Variants in SFI1 observed in about 807,000 individuals in gnomAD.
SFI1 encodes protein SFI1 homolog.
In SFI1, 195 loss-of-function variants were observed where a neutral mutation model predicts 207.5. The ratio of observed to expected loss-of-function variants is 0.94; its 90% CI spans 0.84 to 1.06. SFI1 has a LOEUF of 1.06. SFI1 is among the 50% of genes least tolerant of loss of function. SFI1 has a pLI of 0.00. For missense variants in SFI1, 1,634 were observed against 1,588.0 expected, an observed-to-expected ratio of 1.03 and a Z score of -0.49; for synonymous variants, 630 against 598.9, an observed-to-expected ratio of 1.05 and a Z score of -0.76.
intron 20 of SFI1, 157 bp downstream of exon 20, chr22:31,605,102 G>T (rs566947635): frequency 1.1e-4 from 71 of 622,504 alleles, no homozygotes; most frequent in African/African-American, 9.9e-4. Context: ...TTCACTCACG[G>T]GTTCGCCTTC....
At chr22:31,505,522 G>A (rs916135176) in intron 1 of SFI1, among the ~76,000 whole-genome samples, 1 of 151,396 alleles carries the variant, frequency 6.6e-6, no homozygotes, top group Non-Finnish European at 1.5e-5. Flanking sequence ...TTGGGAGGCC[G>A]AGACAGGAGA....
At chr22:31,543,072 G>A (rs766568488) in intron 4 of SFI1, among the ~76,000 whole-genome samples, 6 of 150,212 alleles carry the variant, frequency 4.0e-5, no homozygotes, top group Admixed American at 1.3e-4. Flanking sequence ...CCAGGTTCAC[G>A]CCATTCTCCT....
chr22:31,523,688 A>G (rs919086688), intron 2 of SFI1, among the ~76,000 whole-genome samples: 12 of 151,426 alleles, frequency 7.9e-5, no homozygotes, highest in African/African-American at 2.7e-4. Context: ...TGTGAAGTCC[A>G]TTATCTCCTT....
chr22:31,540,831 G>C (rs995241973), intron 4 of SFI1, among the ~76,000 whole-genome samples: 14 of 152,042 alleles, frequency 9.2e-5, no homozygotes, highest in Non-Finnish European at 1.9e-4. Flanking sequence ...CACCCACCTT[G>C]GCCTCCCAAA....
At chr22:31,518,077 CCCAGGTTCA>C (rs1249997128) in intron 2 of SFI1, among the ~76,000 whole-genome samples, 1 of 152,174 alleles carries the variant, frequency 6.6e-6, no homozygotes, top group African/African-American at 2.4e-5. Context: ...ATGCCTGCCT[CCCAGGTTCA>C]AGCCATTCTC....
At chr22:31,580,542 C>CTTTTTTTTTTTTTTTTTTT (rs11347645) in intron 12 of SFI1, among the ~76,000 whole-genome samples, 178 bp downstream of exon 12, 12 of 117,272 alleles carry the variant, frequency 1.0e-4, no homozygotes, top group East Asian at 2.6e-4. Context: ...CTTTTCTTTT[C>CTTTTTTTTTTTTTTTTTTT]TTTTTTTTTT....
rs2063364980 is a variant in SFI1 at position 31,575,274 on chromosome 22, C to T, written c.966C>T (p.Tyr322=). 6.2e-7 allele frequency: 1 copy of T among 1,612,894 alleles called. No individual in the cohort carries two copies. ...ATCATGTCACTGTGCTCCAGATATA[C>T]TTCTGTGACTGGCAGCAGGCCTGGG... ...RFHHVTVLQI[Y]FCDWQQAWER... is the part of the protein sequence containing the mutation. The change falls in exon 10 of 33, where the codon TAC becomes TAT. Residue 322 remains tyrosine, a synonymous_variant. Transcript: ENST00000400288.
At chr22:31,601,823 C>T (rs548192653) in intron 15 of SFI1, among the ~76,000 whole-genome samples, 10 of 151,962 alleles carry the variant, frequency 6.6e-5, no homozygotes, top group African/African-American at 2.4e-4. Context: ...GACGGGGTCT[C>T]ACTCTGTTGC....
At chr22:31,511,626 G>A in intron 2 of SFI1, among the ~76,000 whole-genome samples, 1 of 151,842 alleles carries the variant, frequency 6.6e-6, no homozygotes. Flanking sequence ...GGCTGGGGAG[G>A]CTAAGAAGGG....
chr22:31,520,950 T>C (rs865839495), intron 2 of SFI1, among the ~76,000 whole-genome samples: 45 of 149,862 alleles, frequency 3.0e-4, no homozygotes, highest in African/African-American at 1.0e-3. Context: ...GCTGTGTAAT[T>C]TGTGATTGTT....
intron 4 of SFI1, among the ~76,000 whole-genome samples, chr22:31,535,948 C>T (rs916858018): frequency 6.6e-6 from 1 of 152,114 alleles, no homozygotes; most frequent in Non-Finnish European, 1.5e-5. Flanking sequence ...TTAAGTTTTA[C>T]TAATTTCATA....
rs1212407263 is a variant in SFI1, at chr22:31,508,331, A to C, written c.47A>C (p.His16Pro). The change falls in exon 2 of 33, where the codon CAT becomes CCT. Residue 16 changes from histidine (H) to proline (P), a missense_variant. His to Pro is a moderately conservative substitution (Grantham distance 77). Coordinates refer to ENST00000400288, the MANE Select transcript of SFI1 (RefSeq NM_001007467.3). ...AAGTGTATATCAAGCCACAATTTCC[A>C]TCAAAAAGTGATTAAGCAGAGAATG... ...TEKCISSHNF[H>P]QKVIKQRMEK... is the part of the protein sequence containing the mutation. The C allele has an allele frequency of 1.9e-6, 3 of 1,613,656 alleles. No individual in the cohort carries two copies. The highest frequency in any genetic ancestry group is 2.5e-6 in the Non-Finnish European group (3 of 1,179,788).
In SFI1 at chr22:31,503,749, AT is replaced by A. The variant is rs759980698; in HGVS notation, c.-30-4488del. Among the ~76,000 whole-genome samples the A allele has an allele frequency of 6.3e-3, 863 of 137,136 alleles. 1 individual carries two copies. Among genetic ancestry groups the A allele is most frequent in the African/African-American group, 0.013 (469 of 37,282 alleles). The allele number at this position is 137,136 out of a possible 152,430, so 90.0% of individuals were successfully genotyped here. On this transcript the variant is annotated intron_variant, in intron 1 of 32. Transcript: ENST00000400288. The stretch of plus-strand genomic sequence containing the variant: ...ATTACAGGCATTCGCCACCATGCCA[AT>A]TTTTTTTTTTTTTTTTTAAGTAGAG...
intron 19 of SFI1, 152 bp downstream of exon 19, chr22:31,604,556 G>A: frequency 6.0e-6 from 4 of 671,224 alleles, no homozygotes. Context: ...GCGGGCCTTA[G>A]GCCATAGGGT....
Position 31,530,657 on chromosome 22 carries a change from C to T in SFI1, c.267-401C>T, listed in dbSNP as rs1041100129. 1.7e-5 allele frequency: 8 copies of T among 471,788 alleles called. No individual in the cohort carries two copies. The Admixed American group carries it at 1.9e-4, about 11-fold the overall frequency. The allele number at this position is 471,788 out of a possible 1,614,324, so 29.2% of individuals were successfully genotyped here. A position where few individuals can be genotyped will look rare whatever the true frequency, so the allele number is the denominator to read the frequency against. On this transcript the variant is annotated intron_variant, in intron 3 of 32. Coordinates refer to ENST00000400288, the MANE Select transcript of SFI1 (RefSeq NM_001007467.3). ...TGATCTCTGTGATATGGTGTCATAA[C>T]ATTACAGGAGGGGTTTGAACAGAGT...
intron 4 of SFI1, among the ~76,000 whole-genome samples, chr22:31,536,059 TTCTTTTTCCTTGTC>T (rs1249145353): frequency 6.6e-6 from 1 of 152,170 alleles, no homozygotes; most frequent in Non-Finnish European, 1.5e-5. Context: ...GGTCTGGATT[TTCTTTTTCCTTGTC>T]TCTTTTGACC....
At chr22:31,591,590 CA>C (rs1341534545) in intron 15 of SFI1, among the ~76,000 whole-genome samples, 128 of 129,100 alleles carry the variant, frequency 9.9e-4, no homozygotes, top group Middle Eastern at 7.6e-3. Context: ...GCTGGCCGGG[CA>C]GGGGGGCTGA....
At chr22:31,594,131 C>G (rs942689298) in intron 15 of SFI1, among the ~76,000 whole-genome samples, 4 of 152,186 alleles carry the variant, frequency 2.6e-5, no homozygotes, top group African/African-American at 7.2e-5. Context: ...CTTTCTGGAT[C>G]AGAGCACGGT....
Position 31,585,143 on chromosome 22 carries a change from T to G in SFI1, c.1413+9T>G, listed in dbSNP as rs953066794. The stretch of plus-strand genomic sequence containing the variant: ...AGAGGCGGTACAAGCAGGTATGGAG[T>G]ACTTTTTAGCAGATAGCTCTACTGG... On this transcript the variant is annotated intron_variant, in intron 14 of 32. Coordinates refer to ENST00000400288, the MANE Select transcript of SFI1 (RefSeq NM_001007467.3). 27 of 1,611,808 alleles carry G rather than the reference T, an allele frequency of 1.7e-5. No individual in the cohort carries two copies. Among genetic ancestry groups the G allele is most frequent in the Non-Finnish European group, 2.3e-5 (27 of 1,178,556 alleles).
Sources: allele counts gnomAD v4.1 joint callset (sites outside exome capture counted in the v4.1 genomes callset), GRCh38; gene constraint gnomAD v4.1.1; transcripts MANE v1.5; gene names NCBI Gene and HGNC (gene_info 2026-07-23, HGNC 2026-07-21).